Variants in RNF11 observed in about 807,000 individuals in gnomAD.
RNF11 encodes ring finger protein 11.
RNF11 carries 4 observed loss-of-function variants against 15.8 expected under a neutral mutation model. That is an observed-to-expected ratio of 0.25 (90% confidence interval 0.12 to 0.58). RNF11 has a LOEUF of 0.58. RNF11 is among the 20% of genes least tolerant of loss of function. The pLI is 0.91. For synonymous variants in RNF11, 68 were observed against 72.3 expected (o/e 0.94, Z 0.30); for missense variants, 139 against 194.4 (o/e 0.71, Z 1.70).
At chr1:51,262,038 A>G (rs1304115950) in intron 1 of RNF11, among the ~76,000 whole-genome samples, 1 of 152,114 alleles carries the variant, frequency 6.6e-6, no homozygotes, top group Non-Finnish European at 1.5e-5. Flanking sequence ...CTGTTTTAGT[A>G]GAGATGGAGT....
At chr1:51,252,103 GAAAC>G (rs1177283524) in intron 1 of RNF11, among the ~76,000 whole-genome samples, 10 of 122,852 alleles carry the variant, frequency 8.1e-5, no homozygotes, top group Non-Finnish European at 1.2e-4. Context: ...AAAAAAAAAA[GAAAC>G]AGAAAAAGAA....
rs775914972 is a variant in RNF11, at chr1:51,271,372, G to T, written c.*50G>T. On this transcript the variant is annotated 3_prime_UTR_variant, in exon 3 of 3. Coordinates refer to ENST00000242719, the MANE Select transcript of RNF11 (RefSeq NM_014372.5). Reference sequence around the variant, plus strand: ...AGTGAACCACCATTTTGGTGGTTTTGATCTTTTGTCACTGAGCCCAAAGAG... The same window carrying T: ...AGTGAACCACCATTTTGGTGGTTTTTATCTTTTGTCACTGAGCCCAAAGAG... 1 of 1,480,728 alleles carries T rather than the reference G, an allele frequency of 6.8e-7. No homozygotes were observed. Among genetic ancestry groups the T allele is most frequent in the Admixed American group, 1.9e-5 (1 of 53,772 alleles). The allele number at this position is 1,480,728 out of a possible 1,614,324, so 91.7% of individuals were successfully genotyped here.
chr1:51,271,182 G>A lies in RNF11; in HGVS notation c.325G>A (p.Gly109Arg). 6.2e-7 allele frequency: 1 copy of A among 1,614,062 alleles called. No individual in the cohort carries two copies. The highest frequency in any genetic ancestry group is 1.1e-5 in the South Asian group (1 of 91,072). Residue 109 changes from glycine (G) to arginine (R), a missense_variant, in exon 3 of 3, where the codon GGG (glycine) becomes AGG (arginine). By Grantham distance (125) the Gly-to-Arg change is moderately radical (BLOSUM62 -2). Transcript: ENST00000242719. Reference sequence around the variant, plus strand: ...GATCTGTATGATGGACTTTGTTTATGGGGACCCAATTCGATTTCTGCCGTG... The same window carrying A: ...GATCTGTATGATGGACTTTGTTTATAGGGACCCAATTCGATTTCTGCCGTG... ...CVICMMDFVY[G>R]DPIRFLPCMH...
chr1:51,255,362 C>T (rs1450808361), intron 1 of RNF11, among the ~76,000 whole-genome samples: 1 of 152,160 alleles, frequency 6.6e-6, no homozygotes, highest in Non-Finnish European at 1.5e-5. Flanking sequence ...TGGGCTCAAG[C>T]GATCCACCTG....
chr1:51,271,367 G>A lies in RNF11; in HGVS notation c.*45G>A, dbSNP rs751206505. 6 of 1,515,956 alleles carry A rather than the reference G, an allele frequency of 4.0e-6. No individual in the cohort carries two copies. Among genetic ancestry groups the A allele is most frequent in the Non-Finnish European group, 5.4e-6 (6 of 1,112,724 alleles). The allele number at this position is 1,515,956 out of a possible 1,614,324, so 93.9% of individuals were successfully genotyped here. Reference sequence around the variant, plus strand: ...CTTCAAGTGAACCACCATTTTGGTGGTTTTGATCTTTTGTCACTGAGCCCA... The same window carrying A: ...CTTCAAGTGAACCACCATTTTGGTGATTTTGATCTTTTGTCACTGAGCCCA... On this transcript the variant is annotated 3_prime_UTR_variant, in exon 3 of 3. Coordinates refer to ENST00000242719, the MANE Select transcript of RNF11 (RefSeq NM_014372.5).
Position 51,262,875 on chromosome 1 carries a change from G to A in RNF11, c.124-7081G>A, listed in dbSNP as rs1182738640. Among the ~76,000 whole-genome samples, 3 of 152,210 alleles carry A rather than the reference G, an allele frequency of 2.0e-5. No individual in the cohort carries two copies. The East Asian group carries it at 5.8e-4, about 29-fold the overall frequency. ...TGGTCTGCTAAGGGACTTGTGTCCA[G>A]GAGATAACAAAAAGATAATTTGCTA... On this transcript the variant is annotated intron_variant, in intron 1 of 2. Transcript: ENST00000242719.
At chr1:51,244,910 A>G (rs1329908454) in intron 1 of RNF11, among the ~76,000 whole-genome samples, 2 of 152,366 alleles carry the variant, frequency 1.3e-5, no homozygotes, top group Non-Finnish European at 2.9e-5. Context: ...TTATAGGGTA[A>G]CTTGAGAAGA....
intron 1 of RNF11, among the ~76,000 whole-genome samples, chr1:51,252,829 G>T (rs1461225316): frequency 6.6e-6 from 1 of 151,596 alleles, no homozygotes; most frequent in Non-Finnish European, 1.5e-5. Flanking sequence ...GTGTGTGTGT[G>T]TGTGTGTTTG....
At chr1:51,261,750 C>T (rs1004567128) in intron 1 of RNF11, among the ~76,000 whole-genome samples, 1 of 151,504 alleles carries the variant, frequency 6.6e-6, no homozygotes, top group African/African-American at 2.4e-5. Context: ...TGCAGTGGCA[C>T]GATCTCAGCT....
intron 1 of RNF11, among the ~76,000 whole-genome samples, chr1:51,240,637 A>G (rs1646825246): frequency 6.6e-6 from 1 of 152,050 alleles, no homozygotes; most frequent in South Asian, 2.1e-4. Context: ...GAATGAATAG[A>G]TTTCTTTTAA....
chr1:51,244,634 A>G (rs112126133), intron 1 of RNF11, among the ~76,000 whole-genome samples: 3,209 of 152,208 alleles, frequency 0.021, 95 homozygotes, highest in African/African-American at 0.065. Flanking sequence ...TCGGCCTCCC[A>G]AAGTGCTGGG....
At chr1:51,244,002 C>G (rs2148065596) in intron 1 of RNF11, among the ~76,000 whole-genome samples, 1 of 152,320 alleles carries the variant, frequency 6.6e-6, no homozygotes, top group South Asian at 2.1e-4. Context: ...GGGCCCAGTT[C>G]AAATGCCAAG....
intron 1 of RNF11, among the ~76,000 whole-genome samples, chr1:51,249,944 G>A (rs1386432935): frequency 6.6e-6 from 1 of 152,158 alleles, no homozygotes; most frequent in African/African-American, 2.4e-5. Flanking sequence ...AGATTCTGCA[G>A]TAAACGTTTT....
At chr1:51,238,059 C>T (rs1646812950) in intron 1 of RNF11, among the ~76,000 whole-genome samples, 1 of 152,176 alleles carries the variant, frequency 6.6e-6, no homozygotes, top group Non-Finnish European at 1.5e-5. Flanking sequence ...CAGAAGCCTC[C>T]ATGACTTCTC....
rs758277954 is a variant in RNF11 at position 51,236,709 on chromosome 1, C to T, written c.-48C>T. On this transcript the variant is annotated 5_prime_UTR_variant, in exon 1 of 3. Transcript: ENST00000242719. ...CGGACCGCGGAGTGTGCGAACGACC[C>T]CACCGCTGCTTTCTCCTCCCCCAGA... The T allele has an allele frequency of 3.1e-6, 5 of 1,605,532 alleles. No individual in the cohort carries two copies. Among genetic ancestry groups the T allele is most frequent in the Admixed American group, 3.4e-5 (2 of 59,166 alleles).
rs1646803876 is a variant in RNF11, at chr1:51,236,583, C to T, written c.-174C>T. 3 of 706,596 alleles carry T rather than the reference C, an allele frequency of 4.2e-6. No homozygotes were observed. The highest frequency in any genetic ancestry group is 7.3e-5 in the East Asian group (2 of 27,408). The allele number at this position is 706,596 out of a possible 1,614,324, so 43.8% of individuals were successfully genotyped here. On this transcript the variant is annotated 5_prime_UTR_variant, in exon 1 of 3. Transcript: ENST00000242719. ...CGGCCCAGCCTTGATCCCCCAACCC[C>T]GGGGGCTGGCATGAGCGGCCCCTCG...
chr1:51,257,582 C>T (rs1646909491), intron 1 of RNF11, among the ~76,000 whole-genome samples: 2 of 152,004 alleles, frequency 1.3e-5, no homozygotes, highest in South Asian at 2.1e-4. Context: ...CAGCCTCTCT[C>T]GAGCAGCTGG....
intron 1 of RNF11, among the ~76,000 whole-genome samples, chr1:51,267,310 A>G (rs1646958989): frequency 6.6e-6 from 1 of 152,204 alleles, no homozygotes; most frequent in Admixed American, 6.5e-5. Context: ...GCAAATATAA[A>G]GTGGGAGCAC....
At chr1:51,263,069 A>T (rs1458576803) in intron 1 of RNF11, among the ~76,000 whole-genome samples, 1 of 152,168 alleles carries the variant, frequency 6.6e-6, no homozygotes, top group East Asian at 1.9e-4. Context: ...TTACACAACC[A>T]TCACTTACCA....
Sources: allele counts gnomAD v4.1 joint callset (sites outside exome capture counted in the v4.1 genomes callset), GRCh38; gene constraint gnomAD v4.1.1; transcripts MANE v1.5; gene names NCBI Gene and HGNC (gene_info 2026-07-23, HGNC 2026-07-21).